Variants in DNAH8 observed in about 807,000 individuals in gnomAD.
DNAH8 encodes the protein axonemal beta dynein heavy chain 8.
Under a neutral mutation model 562.1 loss-of-function variants are expected in DNAH8, and 382 were observed. That is an observed-to-expected ratio of 0.68 (90% CI 0.63 to 0.74). The LOEUF (loss-of-function observed/expected upper bound fraction) is 0.74. DNAH8 is among the 30% of genes least tolerant of loss of function. The pLI is 0.00. For synonymous variants in DNAH8, 1,881 were observed against 1,919.4 expected (o/e 0.98, Z 0.52); for missense variants, 5,203 against 5,620.4 (o/e 0.93, Z 2.37).
intron 92 of DNAH8, among the ~76,000 whole-genome samples, chr6:39,028,931 A>G (rs1235142285): frequency 1.3e-5 from 2 of 152,230 alleles, no homozygotes; most frequent in South Asian, 4.1e-4. Context: ...ACACTTTGCA[A>G]TGAATCTTAC....
At chr6:38,794,379 TTA>T (rs1251994036) in intron 21 of DNAH8, among the ~76,000 whole-genome samples, 1 of 152,200 alleles carries the variant, frequency 6.6e-6, no homozygotes, top group Non-Finnish European at 1.5e-5. Flanking sequence ...GCTTTTTATT[TTA>T]GTTTCTATGC....
At chr6:38,988,641 C>T (rs754919765) in intron 87 of DNAH8, among the ~76,000 whole-genome samples, 5 of 152,208 alleles carry the variant, frequency 3.3e-5, no homozygotes, top group Non-Finnish European at 7.3e-5. Context: ...CTCACTTTTC[C>T]TGTCCTATCT....
At chr6:38,789,688 A>G in intron 18 of DNAH8, 115 bp from the exon 19 acceptor site, 1 of 686,262 alleles carries the variant, frequency 1.5e-6, no homozygotes, top group Non-Finnish European at 2.5e-6. Flanking sequence ...GGCAGCTGTC[A>G]TGATGACAGG....
chr6:38,763,224 G>T, intron 11 of DNAH8: 1 of 263,212 alleles, frequency 3.8e-6, no homozygotes, highest in South Asian at 4.3e-5. Flanking sequence ...TGAAGCAAGG[G>T]ATAGTTTCTT....
chr6:38,729,914 A>T lies in DNAH8; in HGVS notation c.538A>T (p.Thr180Ser). ...TTTTATTTAACAGCTGGAAGCATTT[A>T]CTAATTTTTTTGCGAAAGATGGTTG... ...ILDCPSLEAF[T>S]NFFAKDGCKT... Residue 180 changes from threonine to serine, a missense_variant, in exon 4 of 93, where the codon ACT (threonine) becomes TCT (serine). Thr to Ser is a moderately conservative substitution (Grantham distance 58). Coordinates refer to ENST00000327475, the MANE Select transcript of DNAH8 (RefSeq NM_001206927.2). 6.4e-7 allele frequency: 1 copy of T among 1,567,776 alleles called. No homozygotes were observed. Among genetic ancestry groups the T allele is most frequent in the Non-Finnish European group, 8.7e-7 (1 of 1,143,182 alleles).
intron 85 of DNAH8, among the ~76,000 whole-genome samples, chr6:38,981,834 C>T (rs1764058150): frequency 2.0e-5 from 3 of 152,134 alleles, no homozygotes; most frequent in Admixed American, 2.0e-4. Flanking sequence ...TATATAAACC[C>T]CTTAGCTATA....
At chr6:38,785,133 C>T (rs1018857612) in intron 17 of DNAH8, among the ~76,000 whole-genome samples, 3 of 152,128 alleles carry the variant, frequency 2.0e-5, no homozygotes, top group African/African-American at 4.8e-5. Context: ...AGAATTCTTT[C>T]GTGTTTTTTC....
At chr6:38,942,268 T>C (rs562998729) in intron 79 of DNAH8, among the ~76,000 whole-genome samples, 39 of 152,180 alleles carry the variant, frequency 2.6e-4, no homozygotes, top group Non-Finnish European at 4.3e-4. Flanking sequence ...TCCTTACTGG[T>C]GAGCTGGCTT....
At chr6:38,736,138 A>C (rs181595151) in intron 5 of DNAH8, among the ~76,000 whole-genome samples, 4 of 152,238 alleles carry the variant, frequency 2.6e-5, no homozygotes, top group Admixed American at 2.6e-4. Flanking sequence ...AGAAAAAAAA[A>C]AAGACATTTT....
At chr6:38,826,477 C>T (rs920414766) in intron 29 of DNAH8, 86 bp downstream of exon 29, 1 of 833,176 alleles carries the variant, frequency 1.2e-6, no homozygotes, top group Non-Finnish European at 1.9e-6. Context: ...GATTCTTTAA[C>T]ATATTCATCT....
chr6:38,839,964 G>C (rs940342252), intron 33 of DNAH8, among the ~76,000 whole-genome samples: 7 of 152,140 alleles, frequency 4.6e-5, no homozygotes, highest in African/African-American at 1.7e-4. Flanking sequence ...GTCCGGTGAA[G>C]AAGCACTTTT....
At position 38,736,410 on chromosome 6, in the gene DNAH8, G is replaced by A. The variant is rs75013791; in HGVS notation, c.763-657G>A. ...CCAATGTTGACATTTGACTGATGGC[G>A]CAGAAGCAATGGTGGGAAAAACTAC... On this transcript the variant is annotated intron_variant, in intron 5 of 92. Transcript: ENST00000327475. 7.0e-4 allele frequency among the ~76,000 whole-genome samples: 106 copies of A among 152,214 alleles called. 1 individual carries two copies. Among genetic ancestry groups the A allele is most frequent in the Middle Eastern group, 6.8e-3 (2 of 294 alleles).
intron 28 of DNAH8, 51 bp downstream of exon 28, chr6:38,823,739 G>A (rs749907792): frequency 4.4e-6 from 6 of 1,357,502 alleles, no homozygotes; most frequent in Non-Finnish European, 2.0e-6. Flanking sequence ...CACATGAAGT[G>A]TTACTTTATT....
At chr6:39,026,448 T>C (rs984113144) in intron 91 of DNAH8, 98 bp from the exon 92 acceptor site, 4 of 1,257,854 alleles carry the variant, frequency 3.2e-6, no homozygotes, top group Non-Finnish European at 4.4e-6. Context: ...GATGTGTAGT[T>C]TGGAGATTGA....
chr6:38,749,145 G>A (rs1355985801), intron 8 of DNAH8, among the ~76,000 whole-genome samples: 1 of 152,052 alleles, frequency 6.6e-6, no homozygotes, highest in Non-Finnish European at 1.5e-5. Flanking sequence ...ATGATAGACT[G>A]GATAAAGAAA....
chr6:38,776,074 T>G, intron 13 of DNAH8, 123 bp downstream of exon 13: 2 of 683,970 alleles, frequency 2.9e-6, no homozygotes, highest in Middle Eastern at 4.2e-4. Context: ...AGTTCCTCTT[T>G]CACATTGACC....
chr6:38,971,442 C>G, intron 82 of DNAH8, 150 bp from the exon 83 acceptor site: 1 of 461,694 alleles, frequency 2.2e-6, no homozygotes, highest in Non-Finnish European at 3.6e-6. Context: ...ATCCACACAA[C>G]CAAAGGCCAG....
chr6:38,815,300 G>C (rs1290687300), intron 25 of DNAH8, among the ~76,000 whole-genome samples, 168 bp from the exon 26 acceptor site: 1 of 152,212 alleles, frequency 6.6e-6, no homozygotes, highest in African/African-American at 2.4e-5. Context: ...CTTCAGGATA[G>C]AGAAAATCTG....
At chr6:38,881,247 T>C (rs1251323202) in intron 53 of DNAH8, among the ~76,000 whole-genome samples, 5 of 152,298 alleles carry the variant, frequency 3.3e-5, no homozygotes, top group African/African-American at 1.2e-4. Context: ...AAACATGAAA[T>C]TGGGGTTATT....
Sources: allele counts gnomAD v4.1 joint callset (sites outside exome capture counted in the v4.1 genomes callset), GRCh38; gene constraint gnomAD v4.1.1; transcripts MANE v1.5; gene names NCBI Gene and HGNC (gene_info 2026-07-23, HGNC 2026-07-21).